Variants in GET1 observed in about 807,000 individuals in gnomAD.
GET1 encodes the protein congenital heart disease 5 protein.
GET1 carries 20 observed loss-of-function variants against 22.6 expected under a neutral mutation model. The ratio of observed to expected loss-of-function variants is 0.89; its 90% CI spans 0.62 to 1.29. GET1 has a LOEUF of 1.29. GET1 is among the 50% of genes most tolerant of loss of function. The pLI, the probability that GET1 is intolerant of heterozygous loss-of-function variation, is 0.00. For missense variants in GET1, 209 were observed against 219.9 expected (o/e 0.95, Z 0.31); for synonymous variants, 92 against 83.8 (o/e 1.10, Z -0.53).
Position 39,397,620 on chromosome 21 carries a change from T to C in GET1, c.*681T>C, listed in dbSNP as rs1472275728. The C allele has an allele frequency of 6.6e-6, 1 of 152,290 alleles. No individual in the cohort carries two copies. Among genetic ancestry groups the C allele is most frequent in the East Asian group, 1.9e-4 (1 of 5,202 alleles). The allele number at this position is 152,290 out of a possible 1,614,324, so 9.4% of individuals were successfully genotyped here. A position where few individuals can be genotyped will look rare whatever the true frequency, so the allele number is the denominator to read the frequency against. On this transcript the variant is annotated 3_prime_UTR_variant, in exon 5 of 5. Transcript: ENST00000649170. ...TTTAAAGCATTTTGAATGAAGTGTA[T>C]TTTATAAGCATTTAATATTTATGCT...
At chr21:39,423,252 T>A (rs1411928078) in intron 1 of GET1, 1 of 1,609,944 alleles carries the variant, frequency 6.2e-7, no homozygotes, top group East Asian at 2.2e-5. Flanking sequence ...TCTCATATTT[T>A]CCTATAGCTT....
intron 4 of GET1, among the ~76,000 whole-genome samples, chr21:39,403,434 C>G (rs1447767136): frequency 6.6e-6 from 1 of 151,926 alleles, no homozygotes; most frequent in African/African-American, 2.4e-5. Flanking sequence ...TCACGCCATT[C>G]TCCCGCCTCA....
chr21:39,420,553 C>T (rs935386089), intron 1 of GET1, among the ~76,000 whole-genome samples: 2 of 107,546 alleles, frequency 1.9e-5, no homozygotes, highest in African/African-American at 7.0e-5. Context: ...ATAAACAGAA[C>T]TGTGGATGGG....
intron 1 of GET1, among the ~76,000 whole-genome samples, chr21:39,424,982 G>C (rs1233354862): frequency 6.6e-6 from 1 of 152,218 alleles, no homozygotes; most frequent in Non-Finnish European, 1.5e-5. Flanking sequence ...TGGTGAGACA[G>C]AGCCCATTGT....
At chr21:39,403,355 C>G (rs1046596819) in intron 4 of GET1, among the ~76,000 whole-genome samples, 2 of 152,218 alleles carry the variant, frequency 1.3e-5, no homozygotes, top group African/African-American at 4.8e-5. Context: ...GACACGGAGT[C>G]TCGCTCTGTT....
chr21:39,384,488 G>C (rs2037760863), intron 1 of GET1, among the ~76,000 whole-genome samples: 1 of 151,580 alleles, frequency 6.6e-6, no homozygotes, highest in South Asian at 2.1e-4. Flanking sequence ...TCGAACTCCT[G>C]ACCTAAGGTG....
chr21:39,405,221 C>T lies in GET1; in HGVS notation c.350-693C>T, dbSNP rs114399919. Among the ~76,000 whole-genome samples the T allele has an allele frequency of 2.7e-3, 410 of 151,976 alleles. 6 individuals carry two copies. Among genetic ancestry groups the T allele is most frequent in the African/African-American group, 9.1e-3 (377 of 41,456 alleles). On this transcript the variant is annotated intron_variant, in intron 4 of 4. Coordinates refer to the GET1 transcript ENST00000415847. Reference sequence around the variant, plus strand: ...CATTTTGTTTTTATTTTTTGAGACACGGTCTCACTCCGATTGCCCAAGCTA... The same window carrying T: ...CATTTTGTTTTTATTTTTTGAGACATGGTCTCACTCCGATTGCCCAAGCTA...
chr21:39,386,966 T>A (rs1382100549), intron 1 of GET1, among the ~76,000 whole-genome samples: 1 of 151,950 alleles, frequency 6.6e-6, no homozygotes, highest in African/African-American at 2.4e-5. Flanking sequence ...CCTCCCCGCC[T>A]CAGCCTCCTG....
intron 1 of GET1, chr21:39,381,067 G>A (rs1043759864): frequency 6.5e-6 from 4 of 612,872 alleles, no homozygotes; most frequent in Non-Finnish European, 8.2e-6. Context: ...TGGGAGAGGC[G>A]AGTATTATCA....
At chr21:39,421,178 C>T (rs1000622679) in intron 1 of GET1, among the ~76,000 whole-genome samples, 7 of 151,104 alleles carry the variant, frequency 4.6e-5, no homozygotes, top group African/African-American at 7.3e-5. Context: ...TCTCGGCTCA[C>T]TGCAGCCTCC....
chr21:39,412,912 G>A (rs989797092), intron 1 of GET1, among the ~76,000 whole-genome samples: 2 of 152,204 alleles, frequency 1.3e-5, no homozygotes, highest in African/African-American at 4.8e-5. Flanking sequence ...CAACCAGTGG[G>A]ACCTGTGGAG....
chr21:39,391,819 G>A lies in GET1; in HGVS notation c.319G>A (p.Ala107Thr), dbSNP rs753147983. Residue 107 changes from alanine (A) to threonine (T), a missense_variant, in exon 3 of 5, where the codon GCT (alanine) becomes ACT (threonine). Physicochemically the swap from Ala to Thr is moderately conservative, Grantham distance 58 (BLOSUM62 0). Transcript: ENST00000649170. ...LAKIKWVISVAFYVLQAALMI... is the reference protein window; with the variant it reads ...LAKIKWVISVTFYVLQAALMI... ...CAAGATAAAATGGGTGATAAGTGTC[G>A]CTTTCTACGTATTGCAGGTAAGTGT... 38 of 1,613,960 alleles carry A rather than the reference G, an allele frequency of 2.4e-5. No homozygotes were observed. The highest frequency in any genetic ancestry group is 3.2e-5 in the Non-Finnish European group (38 of 1,180,000).
chr21:39,412,735 G>A (rs1205153336), intron 1 of GET1, among the ~76,000 whole-genome samples: 1 of 152,208 alleles, frequency 6.6e-6, no homozygotes, highest in African/African-American at 2.4e-5. Context: ...GAAAGTCTCA[G>A]TGCAAGAGGC....
At chr21:39,406,163 A>G (rs1307348823) in exon 5 of GET1, 1 of 1,614,244 alleles carries the variant, frequency 6.2e-7, no homozygotes, top group South Asian at 1.1e-5. Flanking sequence ...GACTTACCAA[A>G]TGAGGGCTCA....
chr21:39,420,031 T>C (rs1402128185), intron 1 of GET1, among the ~76,000 whole-genome samples: 1 of 152,178 alleles, frequency 6.6e-6, no homozygotes. Flanking sequence ...TTGAGTTACA[T>C]TAAAATGTTA....
At chr21:39,402,255 GA>G, downstream of GET1, among the ~76,000 whole-genome samples, 1 of 151,956 alleles carries the variant, frequency 6.6e-6, no homozygotes, top group Middle Eastern at 3.4e-3. Context: ...AGGCGTGCAC[GA>G]CCACACCTGG....
rs776347430 is a variant in GET1, at chr21:39,417,742, TTTTA to T, written c.*23+6818_*23+6821del. 2.6e-4 allele frequency among the ~76,000 whole-genome samples: 39 copies of T among 151,920 alleles called. No homozygotes were observed. In the East Asian group the frequency reaches 5.6e-3, roughly 22 times the overall value. On this transcript the variant is annotated intron_variant, in intron 1 of 1. Coordinates refer to the GET1 transcript ENST00000478273. ...AGAGGACTTGTGCAGGGGAGCTTCT[TTTTA>T]TTTATTTATTTAATTTTTTAATTTT...
intron 1 of GET1, chr21:39,411,732 T>G: frequency 6.5e-7 from 1 of 1,532,052 alleles, no homozygotes; most frequent in Admixed American, 1.7e-5. Context: ...TGGATAGTCC[T>G]CTGTGTCATG....
rs368189198 is a variant in GET1, at chr21:39,406,425, T to G, written c.*441T>G. 1.9e-5 allele frequency: 30 copies of G among 1,614,032 alleles called. No homozygotes were observed. The highest frequency in any genetic ancestry group is 2.4e-5 in the Non-Finnish European group (28 of 1,180,008). On this transcript the variant is annotated 3_prime_UTR_variant, in exon 5 of 5. Transcript: ENST00000415847. ...TCTGCATGCTTCTTTTAAACTTTTC[T>G]CTTACTAGAACATCTTCTTGATTGC...
Sources: gnomAD v4.1 joint callset for allele counts (sites outside exome capture counted in the v4.1 genomes callset) on GRCh38, gnomAD v4.1.1 for gene constraint, MANE v1.5 for transcripts, NCBI Gene and HGNC (gene_info 2026-07-23, HGNC 2026-07-21) for gene names.